Variants in PAPPA observed in about 807,000 individuals in gnomAD.
The protein encoded by PAPPA is pappalysin-1.
PAPPA carries 60 observed loss-of-function variants against 164.0 expected under a neutral mutation model. The observed-to-expected ratio is 0.37, with a 90% CI of 0.30 to 0.45. PAPPA has a LOEUF of 0.45. PAPPA is among the 20% of genes least tolerant of loss of function. The pLI is 1.00. For synonymous variants in PAPPA, 875 were observed against 814.1 expected, an observed-to-expected ratio of 1.07 and a Z score of -1.27; for missense variants, 1,782 against 2,087.3, an observed-to-expected ratio of 0.85 and a Z score of 2.85.
chr9:116,155,680 C>T lies in PAPPA; in HGVS notation c.415+1093C>T, dbSNP rs1293146630. Among the ~76,000 whole-genome samples, 9 of 152,182 alleles carry T rather than the reference C, an allele frequency of 5.9e-5. 1 individual carries two copies. The highest frequency in any genetic ancestry group is 1.3e-4 in the Non-Finnish European group (9 of 68,030). Reference sequence around the variant, plus strand: ...CTTTCTTAGAAGGGAAAGCTGTGAGCTCTCCGGGCAGTTCTGCTTCTTCCT... The same window carrying T: ...CTTTCTTAGAAGGGAAAGCTGTGAGTTCTCCGGGCAGTTCTGCTTCTTCCT... On this transcript the variant is annotated intron_variant, in intron 1 of 21. Coordinates refer to ENST00000328252, the MANE Select transcript of PAPPA (RefSeq NM_002581.5).
intron 1 of PAPPA, among the ~76,000 whole-genome samples, chr9:116,155,962 G>A (rs1445783548): frequency 1.3e-5 from 2 of 151,734 alleles, no homozygotes; most frequent in East Asian, 1.9e-4. Flanking sequence ...TAACTCGCAA[G>A]CCCTATTTGC....
At chr9:116,208,212 G>A (rs949726424) in intron 3 of PAPPA, among the ~76,000 whole-genome samples, 2 of 152,152 alleles carry the variant, frequency 1.3e-5, no homozygotes, top group African/African-American at 4.8e-5. Flanking sequence ...TCTGAACCAG[G>A]CCCTGTAAGC....
intron 19 of PAPPA, among the ~76,000 whole-genome samples, chr9:116,375,441 G>T (rs999593428): frequency 1.9e-4 from 29 of 152,300 alleles, no homozygotes; most frequent in Admixed American, 7.2e-4. Context: ...TTGTTTAGAG[G>T]ACAAGTCTAG....
chr9:116,363,607 G>C (rs1846458528), intron 18 of PAPPA, among the ~76,000 whole-genome samples: 1 of 152,204 alleles, frequency 6.6e-6, no homozygotes, highest in South Asian at 2.1e-4. Flanking sequence ...CTTTTGGGCT[G>C]ATTCCCTAAT....
intron 21 of PAPPA, among the ~76,000 whole-genome samples, chr9:116,383,638 A>C (rs183897838): frequency 2.0e-5 from 3 of 152,334 alleles, no homozygotes; most frequent in African/African-American, 7.2e-5. Flanking sequence ...AAAATACAGG[A>C]ACAAATGGGA....
intron 9 of PAPPA, among the ~76,000 whole-genome samples, chr9:116,276,758 C>A (rs1845203784): frequency 4.6e-5 from 7 of 152,150 alleles, no homozygotes. Context: ...TAGCATCACT[C>A]TGTGATCCCT....
At chr9:116,394,024 C>T (rs1846929101) in intron 21 of PAPPA, among the ~76,000 whole-genome samples, 1 of 152,010 alleles carries the variant, frequency 6.6e-6, no homozygotes. Context: ...TGAAACCATC[C>T]CTCATGGGTG....
At chr9:116,274,465 T>A (rs927346926) in intron 9 of PAPPA, among the ~76,000 whole-genome samples, 16 of 152,210 alleles carry the variant, frequency 1.1e-4, no homozygotes, top group Admixed American at 3.9e-4. Context: ...AGACCAATCT[T>A]TAATGAGTCA....
chr9:116,198,064 T>C (rs1026213261), intron 2 of PAPPA, among the ~76,000 whole-genome samples: 1 of 152,204 alleles, frequency 6.6e-6, no homozygotes, highest in African/African-American at 2.4e-5. Flanking sequence ...ATAAGACAAA[T>C]CACAGGGCTG....
rs566061688 is a variant in PAPPA, at chr9:116,257,783, A to C, written c.2733-8074A>C. On this transcript the variant is annotated intron_variant, in intron 7 of 21. Transcript: ENST00000328252. The stretch of plus-strand genomic sequence containing the variant: ...TCATCTACTGGAAACAATATAGAAA[A>C]ATTACTAAGAATCAACAATTACTAG... Among the ~76,000 whole-genome samples, 9 of 152,172 alleles carry C rather than the reference A, an allele frequency of 5.9e-5. No individual in the cohort carries two copies. The East Asian group carries it at 1.8e-3, about 30-fold the overall frequency.
At chr9:116,363,535 C>A (rs1846457537) in intron 18 of PAPPA, among the ~76,000 whole-genome samples, 1 of 152,238 alleles carries the variant, frequency 6.6e-6, no homozygotes, top group Admixed American at 6.5e-5. Flanking sequence ...ACCAGCACCA[C>A]AGCTTTCCGG....
At position 116,394,441 on chromosome 9, in the gene PAPPA, G is replaced by A. The variant is rs148639081; in HGVS notation, c.4777-2068G>A. Among the ~76,000 whole-genome samples the A allele has an allele frequency of 4.1e-4, 62 of 152,254 alleles. No homozygotes were observed. In the East Asian group the frequency reaches 8.9e-3, roughly 22 times the overall value. On this transcript the variant is annotated intron_variant, in intron 21 of 21. Coordinates refer to ENST00000328252, the MANE Select transcript of PAPPA (RefSeq NM_002581.5). ...AGGGATTTTCCCAAAATCATTCAAC[G>A]AGTATGAAGCAAACAAGGATCCCAA...
chr9:116,225,845 C>CCATGCATA (rs1434635612), intron 5 of PAPPA, among the ~76,000 whole-genome samples: 1 of 152,118 alleles, frequency 6.6e-6, no homozygotes, highest in African/African-American at 2.4e-5. Context: ...ATCCATCCAT[C>CCATGCATA]CATCTATCCA....
chr9:116,347,681 T>C lies in PAPPA; in HGVS notation c.3964+472T>C, dbSNP rs914159968. The stretch of plus-strand genomic sequence containing the variant: ...TGCACCATCAGTGGTGGGGACCATA[T>C]TGAAACCCAGGTCTGTTGTTCTCCA... On this transcript the variant is annotated intron_variant, in intron 15 of 21. Transcript: ENST00000328252. The surrounding 1 kb of genome is among the most constrained non-coding windows in gnomAD (Gnocchi z 4.5). 6.6e-6 allele frequency among the ~76,000 whole-genome samples: 1 copy of C among 152,146 alleles called. No individual in the cohort carries two copies. Among genetic ancestry groups the C allele is most frequent in the Non-Finnish European group, 1.5e-5 (1 of 68,030 alleles).
At position 116,252,482 on chromosome 9, in the gene PAPPA, A is replaced by G. The variant is rs187436517; in HGVS notation, c.2733-13375A>G. On this transcript the variant is annotated intron_variant, in intron 7 of 21. Transcript: ENST00000328252. ...TCAGCATGACAGCTTTGCTTTAATAAGGGGGCACCTGAAGTGGAAGGGCTG... is the reference window on the plus strand; with the variant it reads ...TCAGCATGACAGCTTTGCTTTAATAGGGGGGCACCTGAAGTGGAAGGGCTG... Among the ~76,000 whole-genome samples the G allele has an allele frequency of 2.0e-5, 3 of 152,340 alleles. No homozygotes were observed. The East Asian group carries it at 5.8e-4, about 29-fold the overall frequency.
intron 10 of PAPPA, among the ~76,000 whole-genome samples, chr9:116,325,046 G>A (rs1274274612): frequency 6.6e-6 from 1 of 152,168 alleles, no homozygotes; most frequent in East Asian, 1.9e-4. Context: ...ATGAATGAAT[G>A]TGGTGGGACC....
chr9:116,320,797 C>A (rs1380389422), intron 10 of PAPPA, among the ~76,000 whole-genome samples: 3 of 151,986 alleles, frequency 2.0e-5, no homozygotes, highest in Non-Finnish European at 4.4e-5. Context: ...TATCTGTTAA[C>A]CCTCGGCTTC....
At chr9:116,223,821 C>T (rs962152473) in intron 5 of PAPPA, among the ~76,000 whole-genome samples, 1 of 152,202 alleles carries the variant, frequency 6.6e-6, no homozygotes, top group Non-Finnish European at 1.5e-5. Context: ...CTTTATCACT[C>T]CCAGTCAATG....
chr9:116,257,518 G>A (rs886813281), intron 7 of PAPPA, among the ~76,000 whole-genome samples: 4 of 151,866 alleles, frequency 2.6e-5, no homozygotes, highest in African/African-American at 9.7e-5. Context: ...GGCTAGAGAC[G>A]GTGAAACCCC....
Sources: allele counts gnomAD v4.1 joint callset (sites outside exome capture counted in the v4.1 genomes callset), GRCh38; gene constraint gnomAD v4.1.1; non-coding constraint Gnocchi (gnomAD v3.1); transcripts MANE v1.5; gene names NCBI Gene and HGNC (gene_info 2026-07-23, HGNC 2026-07-21).